Variants in CCDC3 observed in about 807,000 individuals in gnomAD.
The protein encoded by CCDC3 is coiled-coil domain containing 3.
A neutral mutation model predicts 21.4 loss-of-function variants in CCDC3; 24 were observed. That is an observed-to-expected ratio of 1.12 (90% confidence interval 0.81 to 1.58). The LOEUF is 1.58. Ranked by LOEUF, CCDC3 falls within the 40% of genes most tolerant of loss-of-function variation. The probability of loss-of-function intolerance (pLI) is 0.00; values close to 1 mark genes in which losing one functional copy is unlikely to be tolerated. For synonymous variants in CCDC3, 186 were observed against 166.0 expected (o/e 1.12, Z -0.93); for missense variants, 425 against 360.9 (o/e 1.18, Z -1.44).
At chr10:13,076,168 T>C (rs1280052325) in intron 3 of CCDC3, among the ~76,000 whole-genome samples, 1 of 151,846 alleles carries the variant, frequency 6.6e-6, no homozygotes, top group Non-Finnish European at 1.5e-5. Context: ...GGCAGAAGAG[T>C]CAAAGCTGCC....
intron 5 of CCDC3, among the ~76,000 whole-genome samples, chr10:13,022,305 G>T (rs1468559893): frequency 6.6e-6 from 1 of 152,056 alleles, no homozygotes; most frequent in African/African-American, 2.4e-5. Context: ...GTCAGGACCC[G>T]ATCTGAGAAT....
chr10:13,019,110 T>C (rs1182100934), intron 5 of CCDC3, among the ~76,000 whole-genome samples: 1 of 152,154 alleles, frequency 6.6e-6, no homozygotes, highest in Non-Finnish European at 1.5e-5. Context: ...GGCAGGCTCC[T>C]GTAGTCCCAG....
At chr10:12,992,511 G>T (rs542314232) in intron 2 of CCDC3, among the ~76,000 whole-genome samples, 2 of 152,064 alleles carry the variant, frequency 1.3e-5, no homozygotes, top group African/African-American at 2.4e-5. Context: ...GCAGAGATCC[G>T]GATGGAACTG....
chr10:12,908,687 G>A (rs1037044618), intron 2 of CCDC3, among the ~76,000 whole-genome samples: 2 of 149,920 alleles, frequency 1.3e-5, no homozygotes, highest in African/African-American at 4.9e-5. Context: ...TCGGCTCCCA[G>A]GTTCAAGCAA....
intron 4 of CCDC3, among the ~76,000 whole-genome samples, chr10:13,061,280 C>T (rs1836753942): frequency 6.6e-6 from 1 of 152,186 alleles, no homozygotes; most frequent in Non-Finnish European, 1.5e-5. Context: ...ACTGCTGTTA[C>T]TGCAGTGGGC....
At chr10:13,044,303 T>C (rs1836497314) in intron 5 of CCDC3, among the ~76,000 whole-genome samples, 1 of 152,158 alleles carries the variant, frequency 6.6e-6, no homozygotes, top group African/African-American at 2.4e-5. Flanking sequence ...ATTCCGTAGG[T>C]TGTCTGTTTA....
At chr10:13,089,888 C>T (rs1375912359) in intron 3 of CCDC3, among the ~76,000 whole-genome samples, 2 of 148,866 alleles carry the variant, frequency 1.3e-5, no homozygotes, top group Non-Finnish European at 3.0e-5. Context: ...TACGCCATTG[C>T]ATCCTCACTG....
chr10:13,093,848 A>G (rs1363846302), intron 3 of CCDC3, among the ~76,000 whole-genome samples: 1 of 152,226 alleles, frequency 6.6e-6, no homozygotes, highest in African/African-American at 2.4e-5. Context: ...CAAAGAAGCT[A>G]AAACTATGTC....
chr10:13,004,611 C>T (rs538695926), upstream of CCDC3, among the ~76,000 whole-genome samples: 1 of 133,046 alleles, frequency 7.5e-6, no homozygotes, highest in African/African-American at 2.8e-5. Flanking sequence ...CAACCTGCCA[C>T]CAGGTGGCTG....
At chr10:13,049,880 T>A (rs1300094484) in exon 5 of CCDC3, 1 of 152,178 alleles carries the variant, frequency 6.6e-6, no homozygotes, top group Non-Finnish European at 1.5e-5. Context: ...TCAGCATGCC[T>A]CTGCCAATTT....
chr10:12,914,468 CAG>C (rs1258911633), intron 2 of CCDC3, among the ~76,000 whole-genome samples: 3 of 152,022 alleles, frequency 2.0e-5, no homozygotes, highest in Admixed American at 6.6e-5. Flanking sequence ...TCTTTTGAGA[CAG>C]AGTCTTGCTC....
At chr10:12,924,699 C>T (rs1214882798) in intron 2 of CCDC3, 2 of 152,174 alleles carry the variant, frequency 1.3e-5, no homozygotes, top group African/African-American at 2.4e-5. Flanking sequence ...TCCTCCTCTT[C>T]TCTTATCCAG....
intron 4 of CCDC3, among the ~76,000 whole-genome samples, chr10:13,064,437 A>G (rs938011336): frequency 1.3e-5 from 2 of 152,110 alleles, no homozygotes; most frequent in Non-Finnish European, 2.9e-5. Context: ...TAATTTAGAA[A>G]GTTTGTTTTG....
At chr10:12,927,602 T>C (rs2131223486) in intron 2 of CCDC3, among the ~76,000 whole-genome samples, 2 of 152,304 alleles carry the variant, frequency 1.3e-5, no homozygotes, top group Admixed American at 1.3e-4. Context: ...AACCTTTCTT[T>C]TGACTAAACA....
In CCDC3 at chr10:12,912,558, T is replaced by G. The variant is rs144684401; in HGVS notation, c.550-13879A>C. ...TGTGTAAATATTTTCTTCCATTTCG[T>G]AGGTGTTTTTTTCACTCTGTTGATC... On this transcript the variant is annotated intron_variant, in intron 2 of 2. Coordinates refer to ENST00000378825, the MANE Select transcript of CCDC3 (RefSeq NM_031455.4). 4.5e-3 allele frequency among the ~76,000 whole-genome samples: 687 copies of G among 151,718 alleles called. 2 individuals are homozygous for G. The highest frequency in any genetic ancestry group is 0.016 in the African/African-American group (661 of 41,028).
At chr10:12,992,081 G>T (rs765067450) in intron 2 of CCDC3, among the ~76,000 whole-genome samples, 164 of 144,738 alleles carry the variant, frequency 1.1e-3, no homozygotes, top group Non-Finnish European at 1.8e-3. Flanking sequence ...AAAAAAAAAA[G>T]AAAGAAAAAA....
chr10:12,914,468 C>T (rs772486926), intron 2 of CCDC3, among the ~76,000 whole-genome samples: 5 of 152,022 alleles, frequency 3.3e-5, no homozygotes, highest in Non-Finnish European at 7.4e-5. Context: ...TCTTTTGAGA[C>T]AGAGTCTTGC....
At chr10:13,091,370 A>G (rs940515091) in intron 3 of CCDC3, among the ~76,000 whole-genome samples, 27 of 152,160 alleles carry the variant, frequency 1.8e-4, no homozygotes, top group Admixed American at 5.2e-4. Flanking sequence ...CCCTCATGAA[A>G]GAGACCCCAG....
chr10:12,897,644 C>G lies in CCDC3; in HGVS notation c.*772G>C, dbSNP rs1014337529. ...GACTATAGCAGTGGCTGAGAGATTG[C>G]TCAGTTTCTCTCAATTTAGGAAGCA... On this transcript the variant is annotated 3_prime_UTR_variant, in exon 3 of 3. Transcript: ENST00000378825. 2.6e-5 allele frequency: 4 copies of G among 152,212 alleles called. No homozygotes were observed. Among genetic ancestry groups the G allele is most frequent in the African/African-American group, 9.7e-5 (4 of 41,436 alleles). 9.4% of individuals were successfully genotyped at this position (152,212 alleles called of 1,614,324 possible).
Sources: allele counts gnomAD v4.1 joint callset (sites outside exome capture counted in the v4.1 genomes callset), GRCh38; gene constraint gnomAD v4.1.1; transcripts MANE v1.5; gene names NCBI Gene and HGNC (gene_info 2026-07-23, HGNC 2026-07-21).